Variants in POMT2 observed in about 807,000 individuals in gnomAD.
POMT2 encodes protein O-mannosyltransferase 2.
In POMT2, 75 loss-of-function variants were observed where a neutral mutation model predicts 100.0. That is an observed-to-expected ratio of 0.75 (90% CI 0.62 to 0.91). POMT2 has a LOEUF of 0.91. Among genes scored for constraint, POMT2 ranks in the 40% least tolerant of loss-of-function variants. The pLI, the probability that POMT2 is intolerant of heterozygous loss-of-function variation, is 0.00. For missense variants in POMT2, 940 were observed against 955.1 expected, an observed-to-expected ratio of 0.98 and a Z score of 0.21; for synonymous variants, 378 against 374.1, an observed-to-expected ratio of 1.01 and a Z score of -0.12.
intron 14 of POMT2, 98 bp downstream of exon 14, chr14:77,284,852 G>A: frequency 1.9e-6 from 2 of 1,058,662 alleles, no homozygotes; most frequent in Non-Finnish European, 2.9e-6. Flanking sequence ...GCAGCAAGTT[G>A]AAGGGATAGC....
chr14:77,308,743 T>G (rs554872559), intron 2 of POMT2: 1 of 454,544 alleles, frequency 2.2e-6, no homozygotes, highest in South Asian at 1.6e-5. Context: ...GGAGTATATA[T>G]GATTACAACA....
intron 15 of POMT2, among the ~76,000 whole-genome samples, chr14:77,281,536 G>GA (rs1176086377): frequency 6.6e-6 from 1 of 152,168 alleles, no homozygotes; most frequent in Non-Finnish European, 1.5e-5. Context: ...GCTAAAACAG[G>GA]AAGGAGTAGG....
chr14:77,287,062 A>C (rs1345410321), intron 11 of POMT2: 1 of 703,674 alleles, frequency 1.4e-6, no homozygotes, highest in Non-Finnish European at 2.2e-6. Flanking sequence ...CGGCATGCCA[A>C]GAAAGGGGCT....
intron 13 of POMT2, 30 bp from the exon 14 acceptor site, chr14:77,285,071 T>C: frequency 6.5e-7 from 1 of 1,545,466 alleles, no homozygotes; most frequent in Non-Finnish European, 8.9e-7. Flanking sequence ...CAGATGTCTC[T>C]CAGAAGACGT....
At chr14:77,296,613 T>G in intron 8 of POMT2, 1 of 327,764 alleles carries the variant, frequency 3.1e-6, no homozygotes, top group Non-Finnish European at 5.8e-6. Flanking sequence ...AAGTATCTTC[T>G]GTCTTCGCCT....
intron 9 of POMT2, among the ~76,000 whole-genome samples, chr14:77,293,334 ATTAT>A (rs1293505706): frequency 1.3e-5 from 2 of 152,136 alleles, no homozygotes; most frequent in African/African-American, 2.4e-5. Context: ...TACAAGAAAA[ATTAT>A]TTATTTATCA....
chr14:77,298,837 G>C (rs762623039), intron 7 of POMT2, 66 bp from the exon 8 acceptor site: 3 of 1,349,094 alleles, frequency 2.2e-6, no homozygotes, highest in African/African-American at 1.4e-5. Context: ...TCCCAGGAGC[G>C]CTGGGAAGAG....
chr14:77,296,113 G>T, intron 9 of POMT2, 51 bp downstream of exon 9: 2 of 1,378,750 alleles, frequency 1.5e-6, no homozygotes, highest in Non-Finnish European at 1.0e-6. Context: ...AGAGTGAACT[G>T]TCATGGCGAA....
rs2287391 is a variant in POMT2 at position 77,299,768 on chromosome 14, C to G, written c.817-207G>C. 7.1e-5 allele frequency: 38 copies of G among 532,164 alleles called. No individual in the cohort carries two copies. The East Asian group carries it at 1.3e-3, about 19-fold the overall frequency. 33.0% of individuals were successfully genotyped at this position (532,164 alleles called of 1,614,324 possible). A position where few individuals can be genotyped will look rare whatever the true frequency, so the allele number is the denominator to read the frequency against. ...CACAAGATAAACATGGGCCAGCCCT[C>G]TGCTACCTCTCCAGGCTCTACACCC... On this transcript the variant is annotated intron_variant, in intron 6 of 20. Coordinates refer to ENST00000261534, the MANE Select transcript of POMT2 (RefSeq NM_013382.7).
chr14:77,295,635 A>C (rs988093921), intron 9 of POMT2, among the ~76,000 whole-genome samples: 6 of 148,554 alleles, frequency 4.0e-5, no homozygotes, highest in Non-Finnish European at 8.9e-5. Flanking sequence ...CCATCTCAAA[A>C]AAAAAAAAAA....
At position 77,296,250 on chromosome 14, in the gene POMT2, T is replaced by A. The variant is rs1285454398; in HGVS notation, c.1030A>T (p.Thr344Ser). 1 of 1,606,092 alleles carries A rather than the reference T, an allele frequency of 6.2e-7. No homozygotes were observed. Among genetic ancestry groups the A allele is most frequent in the East Asian group, 2.2e-5 (1 of 44,638 alleles). ...PEHLAYGSVI[T>S]VKNLRMAIGY... Reference sequence around the variant, plus strand: ...ATGGCCATCCGGAGGTTCTTCACAGTGATCACAGAGCCGTAGGCCAGGTCT... The same window carrying A: ...ATGGCCATCCGGAGGTTCTTCACAGAGATCACAGAGCCGTAGGCCAGGTCT... Residue 344 changes from threonine (T) to serine (S), a missense_variant, in exon 9 of 21, where the codon ACT becomes TCT. Transcript: ENST00000261534.
intron 2 of POMT2, among the ~76,000 whole-genome samples, chr14:77,308,078 T>G (rs1891291095): frequency 6.6e-6 from 1 of 150,776 alleles, no homozygotes; most frequent in Non-Finnish European, 1.5e-5. Flanking sequence ...GCCAGGCTGG[T>G]CTTGAACTCC....
intron 2 of POMT2, chr14:77,306,697 G>T (rs1388403282): frequency 5.0e-6 from 2 of 401,728 alleles, no homozygotes; most frequent in Non-Finnish European, 9.4e-6. Flanking sequence ...TAAACACTCA[G>T]GAAGGAAAAA....
Position 77,320,483 on chromosome 14 carries a change from G to A in POMT2, c.199C>T (p.Leu67=). 1 of 1,545,718 alleles carries A rather than the reference G, an allele frequency of 6.5e-7. No homozygotes were observed. Among genetic ancestry groups the A allele is most frequent in the Non-Finnish European group, 8.7e-7 (1 of 1,147,850 alleles). ...WWALLALVTL[L]SFATRFHRLD... is the part of the protein sequence containing the mutation. ...CGGTGGAAGCGGGTGGCGAAGGACA[G>A]CAGCGTCACCAAGGCCAGCAGGGCC... Residue 67 remains leucine, a synonymous_variant, in exon 1 of 21, where the codon CTG becomes TTG. Transcript: ENST00000261534.
At chr14:77,279,657 C>T in intron 18 of POMT2, 166 bp downstream of exon 18, 1 of 737,028 alleles carries the variant, frequency 1.4e-6, no homozygotes, top group Non-Finnish European at 2.4e-6. Flanking sequence ...GTGTTTAACA[C>T]AGCACTGGGT....
At chr14:77,319,070 G>T (rs1891734188) in intron 1 of POMT2, among the ~76,000 whole-genome samples, 1 of 152,134 alleles carries the variant, frequency 6.6e-6, no homozygotes. Context: ...TTTTACAAGG[G>T]TAGTGGGCTA....
At position 77,280,451 on chromosome 14, in the gene POMT2, G is replaced by A. The variant is rs1890178718; in HGVS notation, c.1666C>T (p.Leu556Phe). ...HMVMIRGNSGLKPKDNEFTSK... is the reference protein window; with the variant it reads ...HMVMIRGNSGFKPKDNEFTSK... ...GTGAACTCATTGTCCTTGGGTTTGA[G>A]GCCACTGTTCCCCTGCATGAAGGTA... Residue 556 changes from leucine (L) to phenylalanine (F), a missense_variant, in exon 16 of 21, where the codon CTC (leucine) becomes TTC (phenylalanine). Coordinates refer to ENST00000261534, the MANE Select transcript of POMT2 (RefSeq NM_013382.7). 1 of 1,614,200 alleles carries A rather than the reference G, an allele frequency of 6.2e-7. No homozygotes were observed. Among genetic ancestry groups the A allele is most frequent in the Non-Finnish European group, 8.5e-7 (1 of 1,180,042 alleles).
intron 20 of POMT2, 136 bp from the exon 21 acceptor site, chr14:77,277,617 G>A: frequency 1.3e-6 from 1 of 754,004 alleles, no homozygotes; most frequent in Non-Finnish European, 2.4e-6. Flanking sequence ...GGCCTTGTCT[G>A]TCTGAGTCCC....
rs755749748 is a variant in POMT2, at chr14:77,279,749, C to T, written c.1891+74G>A. ...ACGCAAAGGATGGCCCATCAGCAGG[C>T]AGCCGGCCCTCCCCAGGGGTGCAGG... On this transcript the variant is annotated intron_variant, in intron 18 of 20. Coordinates refer to ENST00000261534, the MANE Select transcript of POMT2 (RefSeq NM_013382.7). 5 of 1,446,460 alleles carry T rather than the reference C, an allele frequency of 3.5e-6. No homozygotes were observed. The South Asian group carries it at 3.6e-5, about 10-fold the overall frequency. The allele number at this position is 1,446,460 out of a possible 1,614,324, so 89.6% of individuals were successfully genotyped here. A position where few individuals can be genotyped will look rare whatever the true frequency, so the allele number is the denominator to read the frequency against.
Sources: allele counts gnomAD v4.1 joint callset (sites outside exome capture counted in the v4.1 genomes callset), GRCh38; gene constraint gnomAD v4.1.1; transcripts MANE v1.5; gene names NCBI Gene and HGNC (gene_info 2026-07-23, HGNC 2026-07-21).